Variants in TLL1 observed in about 807,000 individuals in gnomAD.
TLL1 encodes the protein tolloid like 1.
In TLL1, 49 loss-of-function variants were observed where a neutral mutation model predicts 128.2. The ratio of observed to expected loss-of-function variants is 0.38; its 90% CI spans 0.30 to 0.48. The LOEUF is 0.48. Among genes scored for constraint, TLL1 ranks in the 20% least tolerant of loss-of-function variants. The pLI is 0.96. For synonymous variants in TLL1, 454 were observed against 418.8 expected, an observed-to-expected ratio of 1.08 and a Z score of -1.03; for missense variants, 1,123 against 1,242.0, an observed-to-expected ratio of 0.90 and a Z score of 1.44.
At position 166,028,487 on chromosome 4, in the gene TLL1, T is replaced by C. The variant is rs79319355; in HGVS notation, c.1158+3056T>C. ...AAGACTAATCTTTGCTTTAAAAATA[T>C]GTTTTGTGCAATGGTTGGGTGCATC... On this transcript the variant is annotated intron_variant, in intron 9 of 20. Transcript: ENST00000061240. Among the ~76,000 whole-genome samples, 289 of 152,132 alleles carry C rather than the reference T, an allele frequency of 1.9e-3. 10 individuals carry two copies. In the East Asian group the frequency reaches 0.047, roughly 25 times the overall value.
At chr4:166,046,976 T>A (rs1490644556) in intron 12 of TLL1, among the ~76,000 whole-genome samples, 1 of 152,010 alleles carries the variant, frequency 6.6e-6, no homozygotes, top group African/African-American at 2.4e-5. Context: ...TCTGTTTATA[T>A]CAATTTTTTT....
At chr4:165,964,823 G>A (rs913876726) in intron 1 of TLL1, among the ~76,000 whole-genome samples, 2 of 152,104 alleles carry the variant, frequency 1.3e-5, no homozygotes, top group Non-Finnish European at 2.9e-5. Flanking sequence ...AGTAGTCCTA[G>A]CTATTCAGGC....
At chr4:165,955,733 A>C (rs1363663833) in intron 1 of TLL1, among the ~76,000 whole-genome samples, 1 of 152,186 alleles carries the variant, frequency 6.6e-6, no homozygotes, top group Non-Finnish European at 1.5e-5. Context: ...CCAGAAAAGC[A>C]ATGCTATGGG....
chr4:165,879,328 G>A (rs1448649197), intron 1 of TLL1, among the ~76,000 whole-genome samples: 1 of 152,006 alleles, frequency 6.6e-6, no homozygotes, highest in African/African-American at 2.4e-5. Context: ...TGTGTATGCA[G>A]GAATCCTATT....
intron 12 of TLL1, among the ~76,000 whole-genome samples, chr4:166,046,486 C>G (rs1285462625): frequency 6.6e-6 from 1 of 152,140 alleles, no homozygotes; most frequent in Non-Finnish European, 1.5e-5. Flanking sequence ...AGCATTAAAA[C>G]CCAGGTACAT....
At chr4:166,073,835 A>G (rs887625875) in intron 16 of TLL1, among the ~76,000 whole-genome samples, 1 of 152,186 alleles carries the variant, frequency 6.6e-6, no homozygotes, top group Admixed American at 6.6e-5. Flanking sequence ...TAGGCCACCA[A>G]GAGCTTGCTA....
At chr4:166,045,406 G>A (rs1360123884) in intron 12 of TLL1, among the ~76,000 whole-genome samples, 1 of 151,948 alleles carries the variant, frequency 6.6e-6, no homozygotes, top group African/African-American at 2.4e-5. Context: ...TTTCTCTTAA[G>A]CCCTGCAGCC....
intron 12 of TLL1, among the ~76,000 whole-genome samples, chr4:166,047,869 A>G (rs541889750): frequency 6.6e-6 from 1 of 152,236 alleles, no homozygotes; most frequent in East Asian, 1.9e-4. Flanking sequence ...AGGTGATGGT[A>G]TTAGCAGTGG....
intron 1 of TLL1, among the ~76,000 whole-genome samples, chr4:165,961,253 C>A (rs1194760312): frequency 2.0e-5 from 3 of 152,214 alleles, no homozygotes; most frequent in East Asian, 3.9e-4. Context: ...TCTAGAAATA[C>A]ACCTTACAAA....
intron 1 of TLL1, among the ~76,000 whole-genome samples, chr4:165,981,070 CAT>C (rs755423969): frequency 3.9e-5 from 6 of 151,992 alleles, no homozygotes; most frequent in African/African-American, 7.2e-5. Flanking sequence ...AAATTTTGCA[CAT>C]GAGAGAGTAA....
chr4:165,906,041 C>T (rs1023762788), intron 1 of TLL1, among the ~76,000 whole-genome samples: 4 of 152,002 alleles, frequency 2.6e-5, no homozygotes, highest in African/African-American at 9.7e-5. Flanking sequence ...CAAACTAAGG[C>T]CCGATGCCTG....
At chr4:166,100,408 C>G (rs1053173352) in intron 20 of TLL1, among the ~76,000 whole-genome samples, 1 of 152,064 alleles carries the variant, frequency 6.6e-6, no homozygotes, top group Non-Finnish European at 1.5e-5. Flanking sequence ...CCTCACTTTA[C>G]TGATTTGTAA....
rs549698839 is a variant in TLL1 at position 165,964,174 on chromosome 4, G to T, written c.170-25207G>T. ...AATACTTGGGCTCTGGAATCAGACT[G>T]TCTGGGTTTGAATCTGTTCTGTGAT... On this transcript the variant is annotated intron_variant, in intron 1 of 20. Coordinates refer to ENST00000061240, the MANE Select transcript of TLL1 (RefSeq NM_012464.5). Among the ~76,000 whole-genome samples, 3 of 152,268 alleles carry T rather than the reference G, an allele frequency of 2.0e-5. No homozygotes were observed. The South Asian group carries it at 6.2e-4, about 32-fold the overall frequency.
intron 9 of TLL1, among the ~76,000 whole-genome samples, chr4:166,027,258 G>C (rs1351515051): frequency 6.6e-6 from 1 of 152,010 alleles, no homozygotes; most frequent in Non-Finnish European, 1.5e-5. Flanking sequence ...CCTGAAAAGG[G>C]GGAATGGGTT....
intron 5 of TLL1, among the ~76,000 whole-genome samples, chr4:166,002,874 T>C (rs1737235520): frequency 6.6e-6 from 1 of 152,260 alleles, no homozygotes; most frequent in Non-Finnish European, 1.5e-5. Flanking sequence ...TTTAACTCTC[T>C]TTTTCTCAAA....
chr4:165,889,194 T>C (rs1042803224), intron 1 of TLL1, among the ~76,000 whole-genome samples: 1 of 152,202 alleles, frequency 6.6e-6, no homozygotes, highest in Non-Finnish European at 1.5e-5. Flanking sequence ...GGAACTTTGT[T>C]ACAGAACTTA....
At chr4:166,083,849 G>A (rs992281685) in intron 18 of TLL1, among the ~76,000 whole-genome samples, 2 of 152,118 alleles carry the variant, frequency 1.3e-5, no homozygotes, top group African/African-American at 4.8e-5. Flanking sequence ...CAGTGAACAT[G>A]GGAGCAACAG....
chr4:165,960,064 G>A (rs1579546434), intron 1 of TLL1, among the ~76,000 whole-genome samples: 4 of 152,024 alleles, frequency 2.6e-5, no homozygotes, highest in Admixed American at 2.6e-4. Flanking sequence ...TTGTTTGAAA[G>A]AATAAACAAG....
chr4:165,992,168 T>G (rs1191977724), intron 2 of TLL1, among the ~76,000 whole-genome samples: 1 of 152,026 alleles, frequency 6.6e-6, no homozygotes, highest in Non-Finnish European at 1.5e-5. Context: ...TTTTATAAAT[T>G]TTTCAAATTA....
Sources: gnomAD v4.1 joint callset for allele counts (sites outside exome capture counted in the v4.1 genomes callset) on GRCh38, gnomAD v4.1.1 for gene constraint, MANE v1.5 for transcripts, NCBI Gene and HGNC (gene_info 2026-07-23, HGNC 2026-07-21) for gene names.